The following CACNB2 variants were observed in gnomAD, a reference collection of about 807,000 sequenced individuals.
CACNB2 encodes the protein calcium voltage-gated channel auxiliary subunit beta 2.
Under a neutral mutation model 73.3 loss-of-function variants are expected in CACNB2, and 42 were observed. The observed-to-expected ratio is 0.57, with a 90% CI of 0.45 to 0.74. The LOEUF is 0.74. Ranked by LOEUF, CACNB2 falls within the 30% of genes least tolerant of loss-of-function variation. CACNB2 has a pLI of 0.00. For missense variants in CACNB2, 940 were observed against 853.0 expected, an observed-to-expected ratio of 1.10 and a Z score of -1.27; for synonymous variants, 348 against 310.3, an observed-to-expected ratio of 1.12 and a Z score of -1.28.
chr10:18,249,654 C>T (rs79211067), intron 2 of CACNB2, among the ~76,000 whole-genome samples: 3,158 of 152,210 alleles, frequency 0.021, 105 homozygotes, highest in African/African-American at 0.073. Context: ...CTCTAATGGG[C>T]GAGATGCTCC....
At chr10:18,481,192 C>CCATATATATATATA (rs1228539443) in intron 3 of CACNB2, among the ~76,000 whole-genome samples, 2 of 36,704 alleles carry the variant, frequency 5.4e-5, no homozygotes, top group African/African-American at 2.3e-4. Flanking sequence ...TACATCTTCG[C>CCATATATATATATA]TATATATATA....
chr10:18,242,427 G>A (rs185463318), intron 2 of CACNB2, among the ~76,000 whole-genome samples: 6 of 152,104 alleles, frequency 3.9e-5, no homozygotes, highest in Non-Finnish European at 7.4e-5. Context: ...CGATGAAAAG[G>A]TTGAAAGGTC....
chr10:18,490,330 T>G (rs916937025), intron 3 of CACNB2, among the ~76,000 whole-genome samples: 1 of 152,200 alleles, frequency 6.6e-6, no homozygotes, highest in Admixed American at 6.5e-5. Flanking sequence ...CTACAATGCA[T>G]AGATGATTTA....
intron 2 of CACNB2, among the ~76,000 whole-genome samples, chr10:18,300,825 G>A (rs1442553849): frequency 1.3e-5 from 2 of 151,592 alleles, no homozygotes; most frequent in Non-Finnish European, 2.9e-5. Context: ...CTCCAGCCTG[G>A]GTAACAGAGC....
chr10:18,156,386 A>G (rs73593761), intron 2 of CACNB2, among the ~76,000 whole-genome samples: 5,025 of 152,322 alleles, frequency 0.033, 213 homozygotes, highest in African/African-American at 0.097. Context: ...CCTTGACATT[A>G]TCAACTTATT....
At chr10:18,322,669 C>T (rs1349246128) in intron 2 of CACNB2, among the ~76,000 whole-genome samples, 1 of 151,970 alleles carries the variant, frequency 6.6e-6, no homozygotes, top group Admixed American at 6.6e-5. Context: ...GAAATAATGA[C>T]TATATTTGTG....
At chr10:18,285,769 G>C (rs1362463836) in intron 2 of CACNB2, among the ~76,000 whole-genome samples, 1 of 151,444 alleles carries the variant, frequency 6.6e-6, no homozygotes, top group Non-Finnish European at 1.5e-5. Flanking sequence ...CCATTTTTTT[G>C]TTTTTGCTTT....
intron 2 of CACNB2, among the ~76,000 whole-genome samples, chr10:18,288,394 A>G (rs954270075): frequency 2.6e-5 from 4 of 152,204 alleles, no homozygotes; most frequent in African/African-American, 9.7e-5. Context: ...ATATCCCTTT[A>G]TGAGTTTTAA....
rs145656599 is a variant in CACNB2 at position 18,199,527 on chromosome 10, A to C, written c.213+48552A>C. On this transcript the variant is annotated intron_variant, in intron 2 of 13. Coordinates refer to ENST00000324631, the MANE Select transcript of CACNB2 (RefSeq NM_201596.3). ...AAGTCTTGCTTAGTAGGCTTGAGAG[A>C]GAGCCAGAAGGCTAGCATGGTTGGA... 4.7e-3 allele frequency among the ~76,000 whole-genome samples: 713 copies of C among 152,220 alleles called. 4 individuals are homozygous for C. The highest frequency in any genetic ancestry group is 9.1e-3 in the Admixed American group (139 of 15,292).
chr10:18,155,068 A>G (rs997614642), intron 2 of CACNB2, among the ~76,000 whole-genome samples: 1 of 152,190 alleles, frequency 6.6e-6, no homozygotes, highest in Non-Finnish European at 1.5e-5. Flanking sequence ...TGATCATGTA[A>G]CATATATGCC....
At chr10:18,358,336 C>T (rs887308443) in intron 2 of CACNB2, among the ~76,000 whole-genome samples, 5 of 152,178 alleles carry the variant, frequency 3.3e-5, no homozygotes, top group Admixed American at 2.0e-4. Flanking sequence ...GATCCACCCA[C>T]CTCAGACTCC....
chr10:18,235,153 A>C (rs2036389195), intron 2 of CACNB2, among the ~76,000 whole-genome samples: 1 of 147,898 alleles, frequency 6.8e-6, no homozygotes, highest in South Asian at 2.2e-4. Flanking sequence ...AAAAAAAAAA[A>C]AAAAAACAGT....
chr10:18,348,647 G>T (rs1299801242), intron 2 of CACNB2, among the ~76,000 whole-genome samples: 1 of 152,112 alleles, frequency 6.6e-6, no homozygotes, highest in South Asian at 2.1e-4. Flanking sequence ...GGGACTACAG[G>T]TGTGCACCAC....
intron 2 of CACNB2, among the ~76,000 whole-genome samples, chr10:18,328,607 A>C (rs1029059957): frequency 1.3e-5 from 2 of 152,212 alleles, no homozygotes; most frequent in African/African-American, 2.4e-5. Context: ...AATTCACATC[A>C]TCAAAGACTG....
At chr10:18,413,339 C>T (rs575195466) in intron 3 of CACNB2, among the ~76,000 whole-genome samples, 6 of 152,312 alleles carry the variant, frequency 3.9e-5, no homozygotes, top group African/African-American at 9.6e-5. Context: ...ACCTCAGGAG[C>T]GAGCTTTAAA....
At chr10:18,495,717 T>A (rs1386970579) in intron 3 of CACNB2, among the ~76,000 whole-genome samples, 2 of 151,930 alleles carry the variant, frequency 1.3e-5, no homozygotes, top group Non-Finnish European at 2.9e-5. Context: ...CCTGGCCTTT[T>A]AAAAAAATAT....
chr10:18,442,653 C>T (rs545393798), intron 3 of CACNB2, among the ~76,000 whole-genome samples: 23 of 150,842 alleles, frequency 1.5e-4, no homozygotes, highest in Admixed American at 3.3e-4. Context: ...GATGAAACCC[C>T]GTCTCTACTA....
At chr10:18,495,592 TATAA>T (rs2049761080) in intron 3 of CACNB2, among the ~76,000 whole-genome samples, 1 of 117,600 alleles carries the variant, frequency 8.5e-6, no homozygotes, top group African/African-American at 3.2e-5. Context: ...TGTGTGTGTG[TATAA>T]GAGATGAGGT....
intron 9 of CACNB2, among the ~76,000 whole-genome samples, chr10:18,520,885 C>T (rs766415640): frequency 1.8e-4 from 28 of 152,122 alleles, no homozygotes; most frequent in South Asian, 2.1e-4. Context: ...TGTTCTGTGT[C>T]TCTCCTTTCC....
Sources: gnomAD v4.1 joint callset for allele counts (sites outside exome capture counted in the v4.1 genomes callset) on GRCh38, gnomAD v4.1.1 for gene constraint, MANE v1.5 for transcripts, NCBI Gene and HGNC (gene_info 2026-07-23, HGNC 2026-07-21) for gene names.